JAKMIP1: variants seen among roughly 807,000 people sequenced by gnomAD.
The protein encoded by JAKMIP1 is janus kinase and microtubule-interacting protein 1.
A neutral mutation model predicts 113.0 loss-of-function variants in JAKMIP1; 33 were observed. The observed-to-expected ratio is 0.29, with a 90% confidence interval of 0.22 to 0.39. The LOEUF is 0.39. JAKMIP1 is among the 10% of genes least tolerant of loss of function. JAKMIP1 has a pLI of 1.00. For synonymous variants in JAKMIP1, 480 were observed against 459.9 expected (o/e 1.04, Z -0.56); for missense variants, 813 against 1,080.5 (o/e 0.75, Z 3.47).
Position 6,089,100 on chromosome 4 carries a change from T to C in JAKMIP1, c.625-3471A>G, listed in dbSNP as rs1578200530. ...AAGAAAGGGACTCTGGGCTGTGTGG[T>C]GTGAGAATGTGGGACCTGGCACAGT... is the stretch of plus-strand genomic sequence containing the variant. On this transcript the variant is annotated intron_variant, in intron 3 of 20. Coordinates refer to ENST00000409021, the MANE Select transcript of JAKMIP1 (RefSeq NM_001099433.2). The surrounding 1 kb of genome is among the most constrained non-coding windows in gnomAD (Gnocchi z 5.3). Among the ~76,000 whole-genome samples, 1 of 152,122 alleles carries C rather than the reference T, an allele frequency of 6.6e-6. No homozygotes were observed. Among genetic ancestry groups the C allele is most frequent in the African/African-American group, 2.4e-5 (1 of 41,410 alleles).
intron 8 of JAKMIP1, chr4:6,070,068 T>C (rs1718744215): frequency 5.0e-6 from 2 of 398,654 alleles, no homozygotes; most frequent in Non-Finnish European, 8.8e-6. Context: ...TTCATGCTTA[T>C]AGGTCATCTC....
intron 1 of JAKMIP1, among the ~76,000 whole-genome samples, chr4:6,190,771 T>C (rs535963444): frequency 1.5e-4 from 23 of 152,364 alleles, no homozygotes; most frequent in African/African-American, 5.5e-4. Context: ...GTGACAGGGA[T>C]GGGGTGATAC....
intron 1 of JAKMIP1, among the ~76,000 whole-genome samples, chr4:6,113,946 G>A (rs1715342230): frequency 6.7e-6 from 1 of 150,054 alleles, no homozygotes; most frequent in African/African-American, 2.4e-5. Context: ...GAGTGAGTGA[G>A]TGACAGCAGA....
chr4:6,033,072 G>A (rs1712956270), intron 19 of JAKMIP1, among the ~76,000 whole-genome samples: 1 of 152,208 alleles, frequency 6.6e-6, no homozygotes, highest in Non-Finnish European at 1.5e-5. Flanking sequence ...CACTCAGGCA[G>A]AACCTTTTAC....
chr4:6,075,038 T>G (rs1353748301), intron 8 of JAKMIP1, among the ~76,000 whole-genome samples: 2 of 152,212 alleles, frequency 1.3e-5, no homozygotes, highest in Non-Finnish European at 2.9e-5. Context: ...AAGGAATGCA[T>G]GACTCTAGTT....
At chr4:6,057,225 T>C (rs115297144) in intron 11 of JAKMIP1, among the ~76,000 whole-genome samples, 23 of 152,352 alleles carry the variant, frequency 1.5e-4, no homozygotes, top group Non-Finnish European at 2.5e-4. Context: ...AAGTCCGTCT[T>C]GTCGCTGTGG....
intron 3 of JAKMIP1, among the ~76,000 whole-genome samples, chr4:6,104,251 A>G (rs1713543367): frequency 6.6e-6 from 1 of 152,080 alleles, no homozygotes; most frequent in African/African-American, 2.4e-5. Context: ...GTCTTTATTC[A>G]TTCTTTGTCT....
In JAKMIP1 at chr4:6,084,890, G is replaced by T. The variant is rs759743376; in HGVS notation, c.910C>A (p.Leu304Met). The change falls in exon 5 of 21, where the codon CTG becomes ATG. Residue 304 changes from leucine (L) to methionine (M), a missense_variant. By Grantham distance (15) the Leu-to-Met change is conservative. This residue lies in a region of JAKMIP1 where 540 missense variants were observed against 653.9 expected (regional missense o/e 0.83). Coordinates refer to ENST00000409021, the MANE Select transcript of JAKMIP1 (RefSeq NM_001099433.2). Reference protein sequence around the residue: ...IAELNSVIRKLEDRNTLLADE... With the variant: ...IAELNSVIRKMEDRNTLLADE... The stretch of plus-strand genomic sequence containing the variant: ...GCCAACAGCGTATTTCTGTCTTCCA[G>T]CTTCCGTATCACTGAATTCAGTTCA... The T allele has an allele frequency of 1.3e-6, 2 of 1,573,316 alleles. No homozygotes were observed. The highest frequency in any genetic ancestry group is 3.6e-5 in the Admixed American group (2 of 55,412).
rs531553630 is a variant in JAKMIP1, at chr4:6,081,187, G to A, written c.1101+422C>T. ...CAAACACCAGGCATCCTAGCTGGAG[G>A]AGAAACCCCTCTGCAGAGCATCGCC... On this transcript the variant is annotated intron_variant, in intron 6 of 20. Coordinates refer to ENST00000409021, the MANE Select transcript of JAKMIP1 (RefSeq NM_001099433.2). This position sits in a 1 kb window ranked among gnomAD's most constrained non-coding sequence, Gnocchi z 4.6. Among the ~76,000 whole-genome samples the A allele has an allele frequency of 2.6e-5, 4 of 152,326 alleles. No individual in the cohort carries two copies. Among genetic ancestry groups the A allele is most frequent in the East Asian group, 3.9e-4 (2 of 5,184 alleles).
chr4:6,102,273 T>C (rs190397622), intron 3 of JAKMIP1, among the ~76,000 whole-genome samples: 7 of 152,368 alleles, frequency 4.6e-5, no homozygotes, highest in African/African-American at 1.7e-4. Flanking sequence ...TCTAATAGTT[T>C]GTAGGGTCTT....
In JAKMIP1 at chr4:6,199,363, C is replaced by G. The variant is rs1728195314; in HGVS notation, c.-148+890G>C. On this transcript the variant is annotated intron_variant, in intron 1 of 20. Transcript: ENST00000409021. The surrounding 1 kb of genome is among the most constrained non-coding windows in gnomAD (Gnocchi z 5.6). ...CGCCAGCCTCGTAAGCGGCCTCTAT[C>G]TGGGCTGCCCAGGCCGGATGCTCAG... 6.6e-6 allele frequency among the ~76,000 whole-genome samples: 1 copy of G among 152,184 alleles called. No individual in the cohort carries two copies. Among genetic ancestry groups the G allele is most frequent in the African/African-American group, 2.4e-5 (1 of 41,458 alleles).
intron 3 of JAKMIP1, among the ~76,000 whole-genome samples, chr4:6,090,208 T>G (rs1461442449): frequency 1.4e-5 from 2 of 147,256 alleles, no homozygotes; most frequent in Non-Finnish European, 1.5e-5. Flanking sequence ...GGTGACAGAG[T>G]GAGAGTCCAT....
At position 6,067,642 on chromosome 4, in the gene JAKMIP1, T is replaced by C. The variant is rs796143201; in HGVS notation, c.1303-2634A>G. On this transcript the variant is annotated intron_variant, in intron 8 of 20. Transcript: ENST00000409021. The surrounding 1 kb of genome is among the most constrained non-coding windows in gnomAD (Gnocchi z 4.6). Reference sequence around the variant, plus strand: ...AGCTCCAGGTTCACTCAAGCTCTTCTGCACACACACACACAGGTCACCCCC... The same window carrying C: ...AGCTCCAGGTTCACTCAAGCTCTTCCGCACACACACACACAGGTCACCCCC... 6.6e-3 allele frequency among the ~76,000 whole-genome samples: 960 copies of C among 145,326 alleles called. 12 individuals are homozygous for C. The highest frequency in any genetic ancestry group is 0.024 in the African/African-American group (919 of 38,024).
intron 1 of JAKMIP1, among the ~76,000 whole-genome samples, chr4:6,169,897 C>T (rs879394874): frequency 6.6e-6 from 1 of 151,420 alleles, no homozygotes; most frequent in African/African-American, 2.4e-5. Context: ...AGAGTGCCTA[C>T]AATGCACTCT....
rs1055699022 is a variant in JAKMIP1 at position 6,154,202 on chromosome 4, G to A, written c.-147-41205C>T. Among the ~76,000 whole-genome samples, 3 of 152,234 alleles carry A rather than the reference G, an allele frequency of 2.0e-5. No homozygotes were observed. The highest frequency in any genetic ancestry group is 7.2e-5 in the African/African-American group (3 of 41,464). Reference sequence around the variant, plus strand: ...GAAGACAGAGCGGAGCTGGACACAGGCGGAGGCTGAAGAAACAAGCAAATC... The same window carrying A: ...GAAGACAGAGCGGAGCTGGACACAGACGGAGGCTGAAGAAACAAGCAAATC... On this transcript the variant is annotated intron_variant, in intron 1 of 20. Transcript: ENST00000409021. The surrounding 1 kb of genome is among the most constrained non-coding windows in gnomAD (Gnocchi z 4.2).
At chr4:6,163,373 A>G (rs933094663) in intron 1 of JAKMIP1, among the ~76,000 whole-genome samples, 1 of 152,160 alleles carries the variant, frequency 6.6e-6, no homozygotes, top group Non-Finnish European at 1.5e-5. Context: ...AGTGATCTTT[A>G]ATATTACTAT....
rs1272440173 is a variant in JAKMIP1, at chr4:6,187,612, C to CA, written c.-148+12640dup. 6.6e-6 allele frequency among the ~76,000 whole-genome samples: 1 copy of CA among 152,256 alleles called. No homozygotes were observed. Among genetic ancestry groups the CA allele is most frequent in the East Asian group, 1.9e-4 (1 of 5,202 alleles). ...GAAAACACAGCAAGAAGACTGCTGT[C>CA]AATGGGGAGGCAGGGCCTCACCAGA... On this transcript the variant is annotated intron_variant, in intron 1 of 20. Coordinates refer to ENST00000409021, the MANE Select transcript of JAKMIP1 (RefSeq NM_001099433.2). This position sits in a 1 kb window ranked among gnomAD's most constrained non-coding sequence, Gnocchi z 4.2.
chr4:6,084,698 T>A, intron 5 of JAKMIP1, 148 bp downstream of exon 5: 1 of 827,506 alleles, frequency 1.2e-6, no homozygotes, highest in Admixed American at 3.0e-5. Flanking sequence ...TGAGCATGTG[T>A]TAGATTTTTA....
intron 1 of JAKMIP1, among the ~76,000 whole-genome samples, chr4:6,198,276 C>G (rs1190408074): frequency 6.6e-6 from 1 of 151,980 alleles, no homozygotes; most frequent in Non-Finnish European, 1.5e-5. Context: ...AATCATGAAT[C>G]GTTCTCCACA....
Sources: gnomAD v4.1 joint callset for allele counts (sites outside exome capture counted in the v4.1 genomes callset) on GRCh38, gnomAD v4.1.1 for gene constraint, gnomAD v4.1.1 regional missense constraint, Gnocchi (gnomAD v3.1) non-coding constraint, MANE v1.5 for transcripts, NCBI Gene and HGNC (gene_info 2026-07-23, HGNC 2026-07-21) for gene names.